GABRA1: variants seen among roughly 807,000 people sequenced by gnomAD.
The protein encoded by GABRA1 is gamma-aminobutyric acid receptor subunit alpha-1.
Under a neutral mutation model 48.9 loss-of-function variants are expected in GABRA1, and 9 were observed. The ratio of observed to expected loss-of-function variants is 0.18; its 90% CI spans 0.11 to 0.32. The LOEUF (loss-of-function observed/expected upper bound fraction) is 0.32, where lower values mean the gene tolerates loss of function less well. Ranked by LOEUF, GABRA1 falls within the 10% of genes least tolerant of loss-of-function variation. The probability of loss-of-function intolerance (pLI) is 1.00; values close to 1 mark genes in which losing one functional copy is unlikely to be tolerated. For missense variants in GABRA1, 285 were observed against 553.8 expected, an observed-to-expected ratio of 0.51 and a Z score of 4.87; for synonymous variants, 210 against 198.7, an observed-to-expected ratio of 1.06 and a Z score of -0.48.
chr5:161,896,229 T>C (rs1160459774), intron 9 of GABRA1, among the ~76,000 whole-genome samples: 1 of 152,210 alleles, frequency 6.6e-6, no homozygotes, highest in Non-Finnish European at 1.5e-5. Flanking sequence ...ATTTTATAAC[T>C]TGAAAGTTAT....
intron 1 of GABRA1, among the ~76,000 whole-genome samples, chr5:161,849,513 C>T (rs368069414): frequency 1.3e-5 from 2 of 152,128 alleles, no homozygotes; most frequent in Non-Finnish European, 2.9e-5. Flanking sequence ...TAGACCATTT[C>T]GCTCTAAACA....
chr5:161,852,426 C>T (rs571883612), intron 2 of GABRA1, among the ~76,000 whole-genome samples: 35 of 152,016 alleles, frequency 2.3e-4, no homozygotes, highest in African/African-American at 8.2e-4. Context: ...TCAGAGTTCC[C>T]GATCAGGGCC....
chr5:161,875,405 AT>A (rs1451597379), intron 5 of GABRA1, among the ~76,000 whole-genome samples, 154 bp from the exon 6 acceptor site: 1 of 152,160 alleles, frequency 6.6e-6, no homozygotes, highest in Non-Finnish European at 1.5e-5. Flanking sequence ...GTAAATATGT[AT>A]TTTTAGATCA....
At chr5:161,859,586 C>G (rs775359945) in intron 3 of GABRA1, among the ~76,000 whole-genome samples, 6 of 151,686 alleles carry the variant, frequency 4.0e-5, no homozygotes, top group African/African-American at 1.2e-4. Context: ...CAGTTTAATT[C>G]TTTTAAAATT....
chr5:161,879,624 GTATATCT>G (rs1218956479), intron 6 of GABRA1, among the ~76,000 whole-genome samples: 1 of 152,094 alleles, frequency 6.6e-6, no homozygotes, highest in Non-Finnish European at 1.5e-5. Context: ...AAGGCCTTAA[GTATATCT>G]GTATTCTCCA....
Position 161,897,261 on chromosome 5 carries a change from A to G in GABRA1, c.1210A>G (p.Thr404Ala), listed in dbSNP as rs1755411168. ...TIEPKEVKPE[T>A]KPPEPKKTFN... ...AGAACCTAAAGAGGTCAAGCCCGAA[A>G]CAAAACCACCAGAACCCAAGAAAAC... Residue 404 changes from threonine (T) to alanine (A), a missense_variant, in exon 10 of 10, where the codon ACA becomes GCA. Thr to Ala is a moderately conservative substitution (Grantham distance 58, BLOSUM62 0). Transcript: ENST00000393943. The G allele has an allele frequency of 6.2e-7, 1 of 1,614,186 alleles. No individual in the cohort carries two copies. Among genetic ancestry groups the G allele is most frequent in the Admixed American group, 1.7e-5 (1 of 60,020 alleles).
rs1183105798 is a variant in GABRA1, at chr5:161,897,987, T to A, written c.*565T>A. ...AGCTGAAGATCCCCATTCTTTCTCT[T>A]TGAAAAAAAAAAAGGCCTAATGCAT... On this transcript the variant is annotated 3_prime_UTR_variant, in exon 10 of 10. Transcript: ENST00000393943. 6.6e-6 allele frequency: 1 copy of A among 151,722 alleles called. No homozygotes were observed. Among genetic ancestry groups the A allele is most frequent in the African/African-American group, 2.4e-5 (1 of 41,362 alleles). The allele number at this position is 151,722 out of a possible 1,614,324, so 9.4% of individuals were successfully genotyped here.
upstream of GABRA1, chr5:161,847,453 A>T (rs1412552118): frequency 6.6e-6 from 1 of 152,220 alleles, no homozygotes; most frequent in African/African-American, 2.4e-5. Flanking sequence ...ATAGACAAAC[A>T]GTTGCCTCCA....
intron 4 of GABRA1, among the ~76,000 whole-genome samples, chr5:161,867,935 A>G (rs1036778533): frequency 6.6e-6 from 1 of 152,076 alleles, no homozygotes; most frequent in African/African-American, 2.4e-5. Flanking sequence ...ATTGTTGCCA[A>G]ACCTGTAAAG....
At chr5:161,883,209 A>C (rs549825822) in intron 7 of GABRA1, among the ~76,000 whole-genome samples, 1 of 152,200 alleles carries the variant, frequency 6.6e-6, no homozygotes, top group African/African-American at 2.4e-5. Context: ...GCAGGACATC[A>C]AAAAGCCAAT....
intron 3 of GABRA1, among the ~76,000 whole-genome samples, chr5:161,854,955 T>A (rs1252243311): frequency 6.6e-6 from 1 of 151,508 alleles, no homozygotes; most frequent in African/African-American, 2.4e-5. Flanking sequence ...TTGAATAAGA[T>A]AATCAAACTA....
chr5:161,887,124 C>T lies in GABRA1; in HGVS notation c.704-3774C>T, dbSNP rs541533716. On this transcript the variant is annotated intron_variant, in intron 7 of 9. Transcript: ENST00000393943. Reference sequence around the variant, plus strand: ...GATGACTGCAAGTTCTCCATATTTACCTAAATAAATTTGATTATAAGAAAA... The same window carrying T: ...GATGACTGCAAGTTCTCCATATTTATCTAAATAAATTTGATTATAAGAAAA... Among the ~76,000 whole-genome samples, 6 of 152,162 alleles carry T rather than the reference C, an allele frequency of 3.9e-5. No homozygotes were observed. In the East Asian group the frequency reaches 7.7e-4, roughly 20 times the overall value.
In GABRA1 at chr5:161,854,236, T is replaced by A; in HGVS notation, c.153T>A (p.Asp51Glu). The part of the protein sequence containing the change: ...VFTRILDRLL[D>E]GYDNRLRPGL... ...CCAGGATTTTGGACAGACTCCTAGA[T>A]GGTTATGACAATCGCCTGAGACCAG... Residue 51 changes from aspartate to glutamate, a missense_variant, in exon 3 of 10, where the codon GAT (aspartate) becomes GAA (glutamate). By Grantham distance (45) the Asp-to-Glu change is conservative. This residue lies in a region of GABRA1 where 105 missense variants were observed against 267.4 expected (regional missense o/e 0.39). Coordinates refer to ENST00000393943, the MANE Select transcript of GABRA1 (RefSeq NM_001127644.2). 1 of 1,605,706 alleles carries A rather than the reference T, an allele frequency of 6.2e-7. No homozygotes were observed. Among genetic ancestry groups the A allele is most frequent in the Non-Finnish European group, 8.5e-7 (1 of 1,172,600 alleles).
At chr5:161,861,918 G>A (rs185122839) in intron 3 of GABRA1, among the ~76,000 whole-genome samples, 2 of 151,918 alleles carry the variant, frequency 1.3e-5, no homozygotes, top group African/African-American at 4.8e-5. Context: ...ACACAAAATA[G>A]CTTAAATAAG....
chr5:161,870,275 G>T (rs1017601062), intron 4 of GABRA1, among the ~76,000 whole-genome samples: 3 of 152,040 alleles, frequency 2.0e-5, no homozygotes, highest in Admixed American at 2.0e-4. Context: ...TTAAGAAGGG[G>T]CTTTGGCCAG....
intron 4 of GABRA1, among the ~76,000 whole-genome samples, chr5:161,868,906 G>A (rs1263256673): frequency 2.0e-5 from 3 of 152,070 alleles, no homozygotes; most frequent in Non-Finnish European, 4.4e-5. Context: ...TCAAATATCA[G>A]GAATAAGGAA....
chr5:161,860,458 G>A (rs1189614700), intron 3 of GABRA1, among the ~76,000 whole-genome samples: 1 of 148,830 alleles, frequency 6.7e-6, no homozygotes, highest in Non-Finnish European at 1.5e-5. Flanking sequence ...ACAGAGAGTA[G>A]AAGGATGGTT....
chr5:161,867,889 T>C (rs1409003585), intron 4 of GABRA1, among the ~76,000 whole-genome samples: 1 of 152,146 alleles, frequency 6.6e-6, no homozygotes, highest in South Asian at 2.1e-4. Flanking sequence ...GTAAACTTAT[T>C]TCTCTTATTT....
At chr5:161,872,975 C>T in intron 4 of GABRA1, 142 bp from the exon 5 acceptor site, 1 of 716,190 alleles carries the variant, frequency 1.4e-6, no homozygotes, top group South Asian at 1.6e-5. Context: ...CATGTACATG[C>T]TATCACACGT....
Sources: allele counts gnomAD v4.1 joint callset (sites outside exome capture counted in the v4.1 genomes callset), GRCh38; gene constraint gnomAD v4.1.1; regional missense constraint gnomAD v4.1.1; transcripts MANE v1.5; gene names NCBI Gene and HGNC (gene_info 2026-07-23, HGNC 2026-07-21).